Variants in FAM13C observed in about 807,000 individuals in gnomAD.
FAM13C encodes family with sequence similarity 13 member C, also known as protein FAM13C.
FAM13C carries 37 observed loss-of-function variants against 73.2 expected under a neutral mutation model. The observed-to-expected ratio is 0.51, with a 90% CI of 0.39 to 0.67. FAM13C has a LOEUF of 0.67. Among genes scored for constraint, FAM13C ranks in the 30% least tolerant of loss-of-function variants. The pLI, the probability that FAM13C is intolerant of heterozygous loss-of-function variation, is 0.00. For synonymous variants in FAM13C, 246 were observed against 260.9 expected, an observed-to-expected ratio of 0.94 and a Z score of 0.55; for missense variants, 589 against 715.6, an observed-to-expected ratio of 0.82 and a Z score of 2.02.
At chr10:59,322,496 G>T (rs1469442571) in intron 4 of FAM13C, among the ~76,000 whole-genome samples, 1 of 152,158 alleles carries the variant, frequency 6.6e-6, no homozygotes, top group Non-Finnish European at 1.5e-5. Flanking sequence ...TTGCTAAGAG[G>T]CAGAGGAAGA....
intron 5 of FAM13C, among the ~76,000 whole-genome samples, chr10:59,293,504 C>G (rs1474733769): frequency 1.3e-5 from 2 of 152,150 alleles, no homozygotes; most frequent in Non-Finnish European, 2.9e-5. Flanking sequence ...CAATATTTCA[C>G]TCTTTTTTAT....
intron 10 of FAM13C, among the ~76,000 whole-genome samples, chr10:59,261,396 T>C (rs2446720): frequency 0.76 from 115,064 of 152,016 alleles, 45,389 homozygotes; most frequent in East Asian, 0.9. Flanking sequence ...CTTTTGAGAT[T>C]TGGAATATGT....
chr10:59,342,150 T>C (rs982782269), intron 3 of FAM13C, among the ~76,000 whole-genome samples: 1 of 152,130 alleles, frequency 6.6e-6, no homozygotes, highest in Admixed American at 6.5e-5. Flanking sequence ...TATGGGAAGG[T>C]GGTGTGCAGA....
chr10:59,290,904 T>TC (rs1161860417), intron 5 of FAM13C, among the ~76,000 whole-genome samples: 1 of 152,294 alleles, frequency 6.6e-6, no homozygotes, highest in Non-Finnish European at 1.5e-5. Flanking sequence ...TATTGACCCC[T>TC]CCTGCTGCCC....
rs946815416 is a variant in FAM13C, at chr10:59,352,125, G to A, written c.324+145C>T. 1.2e-5 allele frequency: 10 copies of A among 821,690 alleles called. No homozygotes were observed. The African/African-American group carries it at 1.5e-4, about 13-fold the overall frequency. The allele number at this position is 821,690 out of a possible 1,614,324, so 50.9% of individuals were successfully genotyped here. On this transcript the variant is annotated intron_variant, in intron 3 of 13. Transcript: ENST00000618804. Reference sequence around the variant, plus strand: ...ACTTTTAACCTGCAAGAGCTTCCACGTGTCTCAGGTCGGCAGAGCACGCAA... The same window carrying A: ...ACTTTTAACCTGCAAGAGCTTCCACATGTCTCAGGTCGGCAGAGCACGCAA...
In FAM13C at chr10:59,268,430, T is replaced by G. The variant is rs114675119; in HGVS notation, c.942+123A>C. On this transcript the variant is annotated intron_variant, in intron 8 of 13. Transcript: ENST00000618804. ...TGAAGACTCTATGATAGGTCCAGGT[T>G]GGCCCATGGGAACAGAGCTGTCCCC... 6.4e-4 allele frequency: 791 copies of G among 1,230,192 alleles called. 5 individuals are homozygous for G. In the African/African-American group the frequency reaches 8.8e-3, roughly 14 times the overall value. The allele number at this position is 1,230,192 out of a possible 1,614,324, so 76.2% of individuals were successfully genotyped here.
intron 5 of FAM13C, among the ~76,000 whole-genome samples, chr10:59,289,510 A>T (rs2133757352): frequency 6.6e-6 from 1 of 152,354 alleles, no homozygotes; most frequent in South Asian, 2.1e-4. Flanking sequence ...CTCCACATGG[A>T]AAGCCAGGCA....
At chr10:59,360,942 A>G (rs1260032820) in intron 1 of FAM13C, 1 of 1,039,028 alleles carries the variant, frequency 9.6e-7, no homozygotes, top group Non-Finnish European at 1.3e-6. Context: ...TGACTGACCG[A>G]GGATTTGGCC....
At chr10:59,252,709 C>G in intron 12 of FAM13C, 90 bp downstream of exon 12, 4 of 1,311,276 alleles carry the variant, frequency 3.1e-6, no homozygotes, top group Non-Finnish European at 4.4e-6. Context: ...CCTTTGAGTC[C>G]AGCATTTTCA....
Position 59,289,644 on chromosome 10 carries a change from C to G in FAM13C, c.508-6197G>C, listed in dbSNP as rs114416841. 3.2e-3 allele frequency among the ~76,000 whole-genome samples: 486 copies of G among 152,312 alleles called. 5 individuals carry two copies. Among genetic ancestry groups the G allele is most frequent in the African/African-American group, 0.011 (459 of 41,570 alleles). ...AAGTAAACAAATCAAAAAATCATGA[C>G]AGTTATTATTGTCATAGGGCTATGG... On this transcript the variant is annotated intron_variant, in intron 5 of 13. Transcript: ENST00000618804.
chr10:59,334,135 G>A (rs1278960980), intron 3 of FAM13C, among the ~76,000 whole-genome samples: 2 of 152,110 alleles, frequency 1.3e-5, no homozygotes, highest in African/African-American at 2.4e-5. Flanking sequence ...TATTGTATCA[G>A]AAACCAGAAA....
intron 4 of FAM13C, among the ~76,000 whole-genome samples, chr10:59,318,691 A>T (rs1849834727): frequency 6.6e-6 from 1 of 150,904 alleles, no homozygotes; most frequent in Non-Finnish European, 1.5e-5. Context: ...GCAGTGAAGG[A>T]GAGCCCTCCT....
At chr10:59,276,783 G>A (rs1443216553) in intron 6 of FAM13C, among the ~76,000 whole-genome samples, 2 of 152,252 alleles carry the variant, frequency 1.3e-5, no homozygotes, top group Non-Finnish European at 2.9e-5. Flanking sequence ...TTTTCAAGAA[G>A]TCTATGCAAG....
chr10:59,299,700 G>C (rs1564546387), intron 5 of FAM13C, among the ~76,000 whole-genome samples: 2 of 152,090 alleles, frequency 1.3e-5, no homozygotes, highest in Non-Finnish European at 2.9e-5. Context: ...TGGACTGGCA[G>C]ACTGACTAAG....
intron 4 of FAM13C, among the ~76,000 whole-genome samples, chr10:59,320,761 C>A (rs1368352213): frequency 2.0e-5 from 3 of 152,222 alleles, no homozygotes; most frequent in Non-Finnish European, 2.9e-5. Context: ...GAACAGCTGG[C>A]CACCTTTGGC....
Position 59,303,888 on chromosome 10 carries a change from G to A in FAM13C, c.444-1024C>T, listed in dbSNP as rs561865327. Among the ~76,000 whole-genome samples the A allele has an allele frequency of 1.8e-3, 269 of 152,264 alleles. 1 individual carries two copies. Among genetic ancestry groups the A allele is most frequent in the Non-Finnish European group, 3.0e-3 (206 of 68,014 alleles). On this transcript the variant is annotated intron_variant, in intron 4 of 13. Transcript: ENST00000618804. ...TGTTCGGCCAGGCGCGGTGGCTCAT[G>A]CCTGTAATCCCAGCACTTTGGGAGG...
chr10:59,265,395 AC>A (rs1399662903), intron 8 of FAM13C, among the ~76,000 whole-genome samples: 5 of 135,494 alleles, frequency 3.7e-5, no homozygotes, highest in African/African-American at 1.4e-4. Context: ...GCTCTCTAAA[AC>A]AGCTTAGCCT....
Position 59,362,523 on chromosome 10 carries a change from A to C in FAM13C, c.-63T>G. 1.3e-6 allele frequency: 2 copies of C among 1,592,674 alleles called. No individual in the cohort carries two copies. The highest frequency in any genetic ancestry group is 1.7e-6 in the Non-Finnish European group (2 of 1,168,564). On this transcript the variant is annotated 5_prime_UTR_variant, in exon 1 of 14. Coordinates refer to ENST00000618804, the MANE Select transcript of FAM13C (RefSeq NM_198215.4). ...TCTCCGGGAGTTAGAGCACATACACAAACATGGCATTGCAAGGCAAGTCTC... is the reference window on the plus strand; with the variant it reads ...TCTCCGGGAGTTAGAGCACATACACCAACATGGCATTGCAAGGCAAGTCTC...
chr10:59,310,897 T>C (rs1848839094), intron 4 of FAM13C, among the ~76,000 whole-genome samples: 1 of 152,118 alleles, frequency 6.6e-6, no homozygotes, highest in Non-Finnish European at 1.5e-5. Flanking sequence ...GATGATGACA[T>C]ATAGTTAAGA....
Sources: gnomAD v4.1 joint callset for allele counts (sites outside exome capture counted in the v4.1 genomes callset) on GRCh38, gnomAD v4.1.1 for gene constraint, MANE v1.5 for transcripts, NCBI Gene and HGNC (gene_info 2026-07-23, HGNC 2026-07-21) for gene names.